The following FCGR1A variants were observed in gnomAD, a reference collection of about 807,000 sequenced individuals.
FCGR1A encodes the protein Fc gamma receptor Ia, also known as high affinity immunoglobulin gamma Fc receptor I.
In FCGR1A, 13 loss-of-function variants were observed where a neutral mutation model predicts 35.0. The observed-to-expected ratio is 0.37, with a 90% CI of 0.24 to 0.59. The LOEUF (loss-of-function observed/expected upper bound fraction) is 0.59. Ranked by LOEUF, FCGR1A falls within the 20% of genes least tolerant of loss-of-function variation. The pLI, the probability that FCGR1A is intolerant of heterozygous loss-of-function variation, is 0.71. For missense variants in FCGR1A, 227 were observed against 430.0 expected, an observed-to-expected ratio of 0.53 and a Z score of 4.17; for synonymous variants, 91 against 164.7, an observed-to-expected ratio of 0.55 and a Z score of 3.43.
At chr1:149,789,828 A>G (rs1189264081) in intron 4 of FCGR1A, among the ~76,000 whole-genome samples, 2 of 152,088 alleles carry the variant, frequency 1.3e-5, no homozygotes, top group Non-Finnish European at 2.9e-5. Flanking sequence ...AAGGTTGGGG[A>G]CCACTGGTAT....
rs1178272023 is a variant in FCGR1A at position 149,784,538 on chromosome 1, G to A, written c.307+281G>A. On this transcript the variant is annotated intron_variant, in intron 3 of 5. Transcript: ENST00000369168. Reference sequence around the variant, plus strand: ...TATTCCAAATGTATGCCTGTACATAGTAAATAATAATAATTCAAACAAATG... The same window carrying A: ...TATTCCAAATGTATGCCTGTACATAATAAATAATAATAATTCAAACAAATG... 3.0e-4 allele frequency among the ~76,000 whole-genome samples: 46 copies of A among 152,052 alleles called. 1 individual carries two copies. The highest frequency in any genetic ancestry group is 1.1e-3 in the African/African-American group (44 of 41,470).
At chr1:149,797,137 T>C in the FCGR1A span, among the ~76,000 whole-genome samples, 1 of 152,236 alleles carries the variant, frequency 6.6e-6, no homozygotes, top group Non-Finnish European at 1.5e-5. Context: ...GGTCTCAAAC[T>C]CTTGACTTCA....
At chr1:149,796,948 T>C in the FCGR1A span, among the ~76,000 whole-genome samples, 33 of 152,248 alleles carry the variant, frequency 2.2e-4, no homozygotes, top group Non-Finnish European at 4.0e-4. Flanking sequence ...AGTTTCGTTG[T>C]GTCACCCAGG....
intron 3 of FCGR1A, chr1:149,786,936 G>T (rs1423432110): frequency 7.9e-5 from 12 of 151,952 alleles, no homozygotes; most frequent in African/African-American, 2.9e-4. Context: ...TTCTAATATT[G>T]CATGTGTGTT....
At chr1:149,799,634 T>A in the FCGR1A span, among the ~76,000 whole-genome samples, 1 of 152,356 alleles carries the variant, frequency 6.6e-6, no homozygotes, top group Admixed American at 6.5e-5. Flanking sequence ...AGATTTGTAT[T>A]TTATTTCTTA....
At chr1:149,789,976 G>A (rs2091661099) in intron 4 of FCGR1A, 78 bp from the exon 5 acceptor site, 1 of 1,612,378 alleles carries the variant, frequency 6.2e-7, no homozygotes, top group Admixed American at 1.7e-5. Context: ...TTTCCCAAGG[G>A]GGTAAAGGGC....
At chr1:149,786,031 G>A (rs1256493351) in intron 3 of FCGR1A, 1 of 151,878 alleles carries the variant, frequency 6.6e-6, no homozygotes, top group African/African-American at 2.4e-5. Context: ...TGAGGGGCTC[G>A]GGTTGCTTCT....
At chr1:149,792,602 G>T (rs587763338), downstream of FCGR1A, 9 of 1,206,564 alleles carry the variant, frequency 7.5e-6, no homozygotes, top group South Asian at 1.2e-4. Flanking sequence ...CCCGCGGCGG[G>T]CCCCTGGCGC....
chr1:149,790,670 C>T (rs2091686742), intron 5 of FCGR1A, among the ~76,000 whole-genome samples: 2 of 150,340 alleles, frequency 1.3e-5, no homozygotes, highest in African/African-American at 4.9e-5. Context: ...CCCCTTCTCT[C>T]TCTCTCTCTC....
At position 149,791,373 on chromosome 1, in the gene FCGR1A, C is replaced by A. The variant is rs1362768016; in HGVS notation, c.981C>A (p.Ile327=). The A allele has an allele frequency of 1.9e-5, 30 of 1,581,778 alleles. 6 individuals carry two copies. In the East Asian group the frequency reaches 6.1e-4, roughly 32 times the overall value. ...LKRKKKWDLE[I]SLDSGHEKKV... ...GAAAGAAAAAGTGGGATTTAGAAAT[C>A]TCTTTGGATTCTGGTCATGAGAAGA... The change falls in exon 6 of 6, where the codon ATC becomes ATA. Residue 327 remains isoleucine (I), a synonymous_variant. Coordinates refer to ENST00000369168, the MANE Select transcript of FCGR1A (RefSeq NM_000566.4).
Position 149,788,617 on chromosome 1 carries a change from G to C in FCGR1A, c.559G>C (p.Glu187Gln), listed in dbSNP as rs782539508. 4.3e-6 allele frequency: 7 copies of C among 1,613,964 alleles called. No individual in the cohort carries two copies. The East Asian group carries it at 6.7e-5, about 15-fold the overall frequency. Residue 187 changes from glutamate to glutamine, a missense_variant and splice_region_variant, in exon 4 of 6, where the codon GAG becomes CAG. Glu to Gln is a conservative substitution (Grantham distance 29, BLOSUM62 2). Transcript: ENST00000369168. ...AGCAGGAATATCTGTCACTGTGAAA[G>C]GTATTGTATTGGAATAGTCATAGAA... ...TSAGISVTVK[E>Q]LFPAPVLNAS...
At chr1:149,785,499 C>G (rs2091523939) in intron 3 of FCGR1A, among the ~76,000 whole-genome samples, 1 of 145,622 alleles carries the variant, frequency 6.9e-6, no homozygotes, top group South Asian at 2.2e-4. Flanking sequence ...TCACTGCAAC[C>G]TCTGACAGAG....
At chr1:149,789,593 G>A (rs1553751418) in intron 4 of FCGR1A, among the ~76,000 whole-genome samples, 1 of 152,150 alleles carries the variant, frequency 6.6e-6, no homozygotes, top group Non-Finnish European at 1.5e-5. Context: ...TAGGAACTGG[G>A]CTGCACAGCA....
downstream of FCGR1A, among the ~76,000 whole-genome samples, chr1:149,796,482 G>C (rs1208062184): frequency 6.6e-6 from 1 of 152,160 alleles, no homozygotes; most frequent in Non-Finnish European, 1.5e-5. Context: ...CAGTTCTTCT[G>C]GAAGGGCAGA....
the FCGR1A span, among the ~76,000 whole-genome samples, chr1:149,799,071 A>C: frequency 7.0e-6 from 1 of 141,974 alleles, no homozygotes. Context: ...ATTTTCTAGA[A>C]TCTAAATTCA....
At chr1:149,800,460 C>T in the FCGR1A span, among the ~76,000 whole-genome samples, 1 of 146,000 alleles carries the variant, frequency 6.8e-6, no homozygotes, top group African/African-American at 2.6e-5. Context: ...TTTCTGGTCA[C>T]CAGCCCCCAT....
downstream of FCGR1A, chr1:149,792,597 G>A: frequency 1.7e-6 from 2 of 1,205,340 alleles, no homozygotes; most frequent in South Asian, 2.9e-5. Context: ...CGTGTCCCGC[G>A]GCGGGCCCCT....
At chr1:149,789,418 A>AATG (rs10544446) in intron 4 of FCGR1A, among the ~76,000 whole-genome samples, 6 of 150,072 alleles carry the variant, frequency 4.0e-5, no homozygotes, top group Non-Finnish European at 7.4e-5. Flanking sequence ...TAATAATAAT[A>AATG]ATGATGATAA....
chr1:149,793,290 C>A (rs1255668804), downstream of FCGR1A: 24 of 1,199,168 alleles, frequency 2.0e-5, no homozygotes, highest in East Asian at 1.5e-3. Context: ...CCGCCCGCCT[C>A]CCCGTCCAGC....
Sources: allele counts gnomAD v4.1 joint callset (sites outside exome capture counted in the v4.1 genomes callset), GRCh38; gene constraint gnomAD v4.1.1; transcripts MANE v1.5; gene names NCBI Gene and HGNC (gene_info 2026-07-23, HGNC 2026-07-21).